The following ERBB4 variants were observed in gnomAD, a reference collection of about 807,000 sequenced individuals.
ERBB4 encodes receptor tyrosine-protein kinase erbB-4.
Under a neutral mutation model 158.0 loss-of-function variants are expected in ERBB4, and 42 were observed. The ratio of observed to expected loss-of-function variants is 0.27; its 90% confidence interval spans 0.21 to 0.34. ERBB4 has a LOEUF of 0.34. Among genes scored for constraint, ERBB4 ranks in the 10% least tolerant of loss-of-function variants. The pLI is 1.00. For missense variants in ERBB4, 1,333 were observed against 1,624.1 expected (o/e 0.82, Z 3.08); for synonymous variants, 583 against 558.7 (o/e 1.04, Z -0.61).
intron 1 of ERBB4, among the ~76,000 whole-genome samples, chr2:212,413,313 CTGT>C (rs2091558732): frequency 6.6e-6 from 1 of 151,760 alleles, no homozygotes; most frequent in African/African-American, 2.4e-5. Context: ...CAGTGCTTTA[CTGT>C]AGGCAAAGTC....
At chr2:212,062,961 GCTCA>G (rs1382952081) in intron 2 of ERBB4, among the ~76,000 whole-genome samples, 1 of 152,108 alleles carries the variant, frequency 6.6e-6, no homozygotes, top group Non-Finnish European at 1.5e-5. Flanking sequence ...GTAGTACCTA[GCTCA>G]CTGAGTTATT....
intron 16 of ERBB4, among the ~76,000 whole-genome samples, chr2:211,641,311 G>A (rs1047710702): frequency 2.0e-5 from 3 of 151,874 alleles, no homozygotes; most frequent in Non-Finnish European, 4.4e-5. Context: ...ATCATTTTAT[G>A]CGGTTTCACT....
chr2:212,280,611 CTGT>C (rs984052472), intron 1 of ERBB4, among the ~76,000 whole-genome samples: 4 of 151,692 alleles, frequency 2.6e-5, no homozygotes, highest in Admixed American at 2.0e-4. Context: ...GTTTCTGTTG[CTGT>C]TGTTGTTGTT....
chr2:212,465,506 C>T (rs570527222), intron 1 of ERBB4, among the ~76,000 whole-genome samples: 9 of 152,204 alleles, frequency 5.9e-5, no homozygotes, highest in African/African-American at 2.2e-4. Context: ...ATACACACAC[C>T]TATTTTAGCC....
intron 1 of ERBB4, among the ~76,000 whole-genome samples, chr2:212,127,139 T>C (rs377463942): frequency 1.2e-4 from 19 of 152,334 alleles, no homozygotes; most frequent in African/African-American, 4.6e-4. Flanking sequence ...AGGGTCTTCC[T>C]AGATGTAAAT....
chr2:211,722,274 C>G (rs181363972), intron 7 of ERBB4, 119 bp downstream of exon 7: 4 of 815,028 alleles, frequency 4.9e-6, no homozygotes, highest in African/African-American at 1.7e-5. Context: ...GCAATAGTAT[C>G]TATACCCAAA....
At chr2:211,878,829 C>CA (rs533091433) in intron 3 of ERBB4, among the ~76,000 whole-genome samples, 1 of 151,066 alleles carries the variant, frequency 6.6e-6, no homozygotes, top group Non-Finnish European at 1.5e-5. Context: ...TAGAAAAAAA[C>CA]AAAAAACAAA....
chr2:211,511,708 T>C (rs2065889383), intron 20 of ERBB4, among the ~76,000 whole-genome samples: 1 of 152,008 alleles, frequency 6.6e-6, no homozygotes, highest in Non-Finnish European at 1.5e-5. Context: ...AAGAATCCTT[T>C]CTAGAGAGAA....
chr2:211,887,279 C>T (rs181060452), intron 3 of ERBB4, among the ~76,000 whole-genome samples: 227 of 149,468 alleles, frequency 1.5e-3, no homozygotes, highest in African/African-American at 5.5e-3. Context: ...CACACACACA[C>T]AGGTGAGAGA....
At chr2:211,953,363 C>G (rs1003495156) in intron 2 of ERBB4, among the ~76,000 whole-genome samples, 1 of 151,002 alleles carries the variant, frequency 6.6e-6, no homozygotes, top group African/African-American at 2.4e-5. Context: ...TGCATATGTA[C>G]CCCAGAACTT....
intron 2 of ERBB4, among the ~76,000 whole-genome samples, chr2:211,992,427 C>A (rs997698150): frequency 2.6e-5 from 4 of 151,926 alleles, no homozygotes; most frequent in Admixed American, 2.0e-4. Flanking sequence ...ATGTGGGTCC[C>A]TCCCACAACA....
intron 20 of ERBB4, among the ~76,000 whole-genome samples, chr2:211,453,108 T>C (rs1475485102): frequency 2.0e-5 from 3 of 152,244 alleles, no homozygotes; most frequent in African/African-American, 7.2e-5. Context: ...TTGCTGTTTC[T>C]TTATTAATTG....
intron 1 of ERBB4, among the ~76,000 whole-genome samples, chr2:212,223,057 T>C (rs937316775): frequency 6.6e-6 from 1 of 151,452 alleles, no homozygotes; most frequent in Non-Finnish European, 1.5e-5. Context: ...AAATAACTCT[T>C]AGGGGGCTAG....
At chr2:211,833,937 C>G (rs775745723) in intron 3 of ERBB4, among the ~76,000 whole-genome samples, 4 of 152,008 alleles carry the variant, frequency 2.6e-5, no homozygotes, top group Admixed American at 6.6e-5. Flanking sequence ...TGTGACTGTA[C>G]CCCAGTTCAC....
In ERBB4 at chr2:211,488,169, T is replaced by C. The variant is rs562308853; in HGVS notation, c.2488-57069A>G. Among the ~76,000 whole-genome samples, 4 of 152,140 alleles carry C rather than the reference T, an allele frequency of 2.6e-5. No homozygotes were observed. The South Asian group carries it at 6.2e-4, about 24-fold the overall frequency. ...TAACTAAACAAACCCAGCAATGTGA[T>C]TGTTCCTTCCCCCAGCATGTACACT... is the stretch of plus-strand genomic sequence containing the variant. On this transcript the variant is annotated intron_variant, in intron 20 of 27. Coordinates refer to ENST00000342788, the MANE Select transcript of ERBB4 (RefSeq NM_005235.3).
intron 14 of ERBB4, among the ~76,000 whole-genome samples, chr2:211,669,305 A>G (rs1268321899): frequency 2.0e-5 from 3 of 151,424 alleles, no homozygotes; most frequent in Admixed American, 6.6e-5. Flanking sequence ...AAACTTATTT[A>G]TGTAAGCTAC....
chr2:211,691,494 T>A (rs1217707734), intron 12 of ERBB4, among the ~76,000 whole-genome samples: 1 of 152,076 alleles, frequency 6.6e-6, no homozygotes, highest in Non-Finnish European at 1.5e-5. Flanking sequence ...AGAATACATA[T>A]TTTGTTACCT....
chr2:212,235,175 A>G (rs962657995), intron 1 of ERBB4, among the ~76,000 whole-genome samples: 7 of 152,006 alleles, frequency 4.6e-5, no homozygotes, highest in African/African-American at 1.7e-4. Context: ...AAGGGGTCCA[A>G]TTTCAGTTTT....
chr2:212,438,548 G>C (rs1428792437), intron 1 of ERBB4, among the ~76,000 whole-genome samples: 1 of 152,002 alleles, frequency 6.6e-6, no homozygotes, highest in Non-Finnish European at 1.5e-5. Context: ...TTGTGAATGA[G>C]TAAATAATTA....
Sources: gnomAD v4.1 joint callset for allele counts (sites outside exome capture counted in the v4.1 genomes callset) on GRCh38, gnomAD v4.1.1 for gene constraint, MANE v1.5 for transcripts, NCBI Gene and HGNC (gene_info 2026-07-23, HGNC 2026-07-21) for gene names.